The following AKR1B10 variants were observed in gnomAD, a reference collection of about 807,000 sequenced individuals.
The protein encoded by AKR1B10 is ARP.
Under a neutral mutation model 38.9 loss-of-function variants are expected in AKR1B10, and 39 were observed. That is an observed-to-expected ratio of 1.00 (90% CI 0.78 to 1.31). AKR1B10 has a LOEUF of 1.31. Among genes scored for constraint, AKR1B10 ranks in the 50% most tolerant of loss-of-function variants. AKR1B10 has a pLI of 0.00. For missense variants in AKR1B10, 361 were observed against 382.6 expected, an observed-to-expected ratio of 0.94 and a Z score of 0.47; for synonymous variants, 148 against 141.2, an observed-to-expected ratio of 1.05 and a Z score of -0.34.
At chr7:134,534,747 C>T (rs1431397769) in intron 4 of AKR1B10, among the ~76,000 whole-genome samples, 5 of 152,168 alleles carry the variant, frequency 3.3e-5, no homozygotes, top group Admixed American at 2.0e-4. Flanking sequence ...GGAAAACTAA[C>T]CTGACCTATG....
At chr7:134,540,820 A>C (rs570795336) in intron 9 of AKR1B10, among the ~76,000 whole-genome samples, 2 of 152,164 alleles carry the variant, frequency 1.3e-5, no homozygotes, top group Admixed American at 1.3e-4. Context: ...TGTCATTACG[A>C]GTTTATTCTG....
In AKR1B10 at chr7:134,527,759, T is replaced by C. The variant is rs1206838469; in HGVS notation, c.-153T>C. 1 of 1,079,284 alleles carries C rather than the reference T, an allele frequency of 9.3e-7. No homozygotes were observed. The highest frequency in any genetic ancestry group is 1.6e-5 in the African/African-American group (1 of 63,296). The allele number at this position is 1,079,284 out of a possible 1,614,324, so 66.9% of individuals were successfully genotyped here. ...TACTCGGGAGGCTGAGGCAGGAGAATTGCTTGAACCCAGGAGACAGAGGTT... is the reference window on the plus strand; with the variant it reads ...TACTCGGGAGGCTGAGGCAGGAGAACTGCTTGAACCCAGGAGACAGAGGTT... On this transcript the variant is annotated 5_prime_UTR_variant, in exon 1 of 10. Coordinates refer to ENST00000359579, the MANE Select transcript of AKR1B10 (RefSeq NM_020299.5).
Position 134,534,306 on chromosome 7 carries a change from G to T in AKR1B10, c.429+1225G>T, listed in dbSNP as rs533743462. Among the ~76,000 whole-genome samples, 8 of 152,228 alleles carry T rather than the reference G, an allele frequency of 5.3e-5. No individual in the cohort carries two copies. The South Asian group carries it at 1.7e-3, about 32-fold the overall frequency. On this transcript the variant is annotated intron_variant, in intron 4 of 9. Coordinates refer to ENST00000359579, the MANE Select transcript of AKR1B10 (RefSeq NM_020299.5). ...CTGGCTAATTTTTGTATTTTTAGTA[G>T]AGATGGGGTTTCACCATGTTGGCCA...
Position 134,531,972 on chromosome 7 carries a change from T to C in AKR1B10, c.299T>C (p.Leu100Pro), listed in dbSNP as rs1257311364. ...GCCTTTGAGAAGACCCTCAAGGACC[T>C]GAAGCTGAGCTATCTGGACGTCTAT... Reference protein sequence around the residue: ...RKAFEKTLKDLKLSYLDVYLI... With the variant: ...RKAFEKTLKDPKLSYLDVYLI... Residue 100 changes from leucine (L) to proline (P), a missense_variant, in exon 3 of 10, where the codon CTG becomes CCG. Leu to Pro is a moderately conservative substitution (Grantham distance 98). Coordinates refer to ENST00000359579, the MANE Select transcript of AKR1B10 (RefSeq NM_020299.5). 1 of 1,614,174 alleles carries C rather than the reference T, an allele frequency of 6.2e-7. No individual in the cohort carries two copies. Among genetic ancestry groups the C allele is most frequent in the Admixed American group, 1.7e-5 (1 of 60,032 alleles).
chr7:134,532,244 T>C (rs937283416), intron 3 of AKR1B10, among the ~76,000 whole-genome samples: 4 of 152,102 alleles, frequency 2.6e-5, no homozygotes, highest in Non-Finnish European at 4.4e-5. Context: ...TGCCTGGGTT[T>C]TCTTGCAGTT....
intron 4 of AKR1B10, among the ~76,000 whole-genome samples, chr7:134,535,173 T>C (rs541616627): frequency 1.3e-5 from 2 of 152,308 alleles, no homozygotes; most frequent in South Asian, 2.1e-4. Context: ...AGACAGGGTC[T>C]TGCTATGTTG....
chr7:134,530,511 G>T, intron 1 of AKR1B10, 132 bp from the exon 2 acceptor site: 1 of 924,468 alleles, frequency 1.1e-6, no homozygotes, highest in Non-Finnish European at 1.6e-6. Context: ...GCTGAGAGTG[G>T]TGTAATTCCA....
At chr7:134,531,820 A>C (rs1807865352) in intron 2 of AKR1B10, 88 bp from the exon 3 acceptor site, 4 of 1,480,170 alleles carry the variant, frequency 2.7e-6, no homozygotes, top group Non-Finnish European at 3.8e-6. Context: ...GGGTTAGATG[A>C]GGATGCAAAT....
Position 134,538,175 on chromosome 7 carries a change from A to C in AKR1B10, c.742-19A>C. 6.2e-7 allele frequency: 1 copy of C among 1,610,356 alleles called. No individual in the cohort carries two copies. The highest frequency in any genetic ancestry group is 1.7e-5 in the Admixed American group (1 of 60,012). On this transcript the variant is annotated intron_variant, in intron 7 of 9. Coordinates refer to ENST00000359579, the MANE Select transcript of AKR1B10 (RefSeq NM_020299.5). The stretch of plus-strand genomic sequence containing the variant: ...GTCTTTGGAGCTGAGTGGAAGCCTG[A>C]TGTCCCCTTTCCGCATAGGTTCTGA...
intron 9 of AKR1B10, among the ~76,000 whole-genome samples, chr7:134,539,688 A>C (rs1293239125): frequency 6.6e-6 from 1 of 152,188 alleles, no homozygotes; most frequent in African/African-American, 2.4e-5. Flanking sequence ...ATCATCTCCA[A>C]ATGCCTCTTA....
At position 134,538,361 on chromosome 7, in the gene AKR1B10, G is replaced by C. The variant is rs543193073; in HGVS notation, c.825+84G>C. 3,207 of 1,343,260 alleles carry C rather than the reference G, an allele frequency of 2.4e-3. 10 individuals are homozygous for C. The highest frequency in any genetic ancestry group is 5.8e-3 in the Middle Eastern group (32 of 5,476). The allele number at this position is 1,343,260 out of a possible 1,614,324, so 83.2% of individuals were successfully genotyped here. A position where few individuals can be genotyped will look rare whatever the true frequency, so the allele number is the denominator to read the frequency against. ...TTCTCACTAGGCTTCTCACCTCATC[G>C]CTGCATTGTCTTTTGCCCCCTCCCT... On this transcript the variant is annotated intron_variant, in intron 8 of 9. Transcript: ENST00000359579.
At chr7:134,532,427 G>A (rs1019503816) in intron 3 of AKR1B10, among the ~76,000 whole-genome samples, 3 of 152,138 alleles carry the variant, frequency 2.0e-5, no homozygotes, top group African/African-American at 7.2e-5. Context: ...ACCTGGGAGT[G>A]GCATCTTGGA....
intron 1 of AKR1B10, among the ~76,000 whole-genome samples, chr7:134,528,475 G>A (rs1807754438): frequency 6.6e-6 from 1 of 152,192 alleles, no homozygotes; most frequent in Admixed American, 6.5e-5. Context: ...TGTAATCCCA[G>A]CACTTTGGGA....
chr7:134,537,028 ATGAGGAT>A lies in AKR1B10; in HGVS notation c.553-20_553-14del. On this transcript the variant is annotated splice_polypyrimidine_tract_variant and intron_variant, in intron 5 of 9. Coordinates refer to ENST00000359579, the MANE Select transcript of AKR1B10 (RefSeq NM_020299.5). ...CAAAACAGAGCCGGCTTTCCCCGTG[ATGAGGAT>A]TGTTTGCTGTTGCAGGTTGAGTGTC... 6.4e-7 allele frequency: 1 copy of A among 1,570,480 alleles called. No individual in the cohort carries two copies. Among genetic ancestry groups the A allele is most frequent in the Non-Finnish European group, 8.6e-7 (1 of 1,160,320 alleles).
intron 5 of AKR1B10, 82 bp from the exon 6 acceptor site, chr7:134,536,968 AC>A: frequency 6.4e-7 from 1 of 1,567,500 alleles, no homozygotes; most frequent in Middle Eastern, 1.7e-4. Context: ...TGCTTGGTGG[AC>A]TTTTTTTGTG....
At chr7:134,535,349 C>G (rs1428052289) in intron 4 of AKR1B10, among the ~76,000 whole-genome samples, 1 of 151,942 alleles carries the variant, frequency 6.6e-6, no homozygotes, top group Non-Finnish European at 1.5e-5. Context: ...TTACTCAAAC[C>G]TAGGCCCAAA....
In AKR1B10 at chr7:134,537,444, C is replaced by G. The variant is rs1222085572; in HGVS notation, c.660-136C>G. 1.4e-5 allele frequency: 18 copies of G among 1,277,990 alleles called. No homozygotes were observed. In the East Asian group the frequency reaches 4.0e-4, roughly 28 times the overall value. 79.2% of individuals were successfully genotyped at this position (1,277,990 alleles called of 1,614,324 possible). ...GGCTTCAGAGCCCGGGGAAAGGACC[C>G]AAGCTTCCAGGTCCTCCTGCCTGTC... On this transcript the variant is annotated intron_variant, in intron 6 of 9. Coordinates refer to ENST00000359579, the MANE Select transcript of AKR1B10 (RefSeq NM_020299.5).
chr7:134,539,102 T>C (rs1188214670), intron 9 of AKR1B10, 85 bp downstream of exon 9: 1 of 1,518,870 alleles, frequency 6.6e-7, no homozygotes, highest in Non-Finnish European at 9.1e-7. Flanking sequence ...GGAAGGCTGC[T>C]GGGACTACTT....
At position 134,538,202 on chromosome 7, in the gene AKR1B10, C is replaced by A. The variant is rs1217959029; in HGVS notation, c.750C>A (p.Ile250=). ...KHKKTAAQVL[I]RFHIQRNVIV... is the part of the protein sequence containing the mutation. ...GTCCCCTTTCCGCATAGGTTCTGAT[C>A]CGTTTCCATATCCAGAGGAATGTGA... The change falls in exon 8 of 10, where the codon ATC becomes ATA. Residue 250 remains isoleucine, a synonymous_variant. Transcript: ENST00000359579. 4 of 1,613,936 alleles carry A rather than the reference C, an allele frequency of 2.5e-6. No homozygotes were observed. In the African/African-American group the frequency reaches 4.0e-5, roughly 16 times the overall value.
Sources: gnomAD v4.1 joint callset for allele counts (sites outside exome capture counted in the v4.1 genomes callset) on GRCh38, gnomAD v4.1.1 for gene constraint, MANE v1.5 for transcripts, NCBI Gene and HGNC (gene_info 2026-07-23, HGNC 2026-07-21) for gene names.